The following LOC400499 variants were observed in gnomAD, a reference collection of about 807,000 sequenced individuals.
At chr16:11,379,406 T>C in the LOC400499 span, among the ~76,000 whole-genome samples, 99 of 152,306 alleles carry the variant, frequency 6.5e-4, 1 homozygote, top group Middle Eastern at 3.4e-3. Context: ...TTGACTGTTA[T>C]CATTATCTCT....
At chr16:11,407,169 G>A in the LOC400499 span, 44 of 398,926 alleles carry the variant, frequency 1.1e-4, no homozygotes, top group East Asian at 1.0e-3. Flanking sequence ...CCACCCCAGC[G>A]TGCTCCGGCC....
At chr16:11,481,672 A>T in the LOC400499 span, among the ~76,000 whole-genome samples, 1 of 149,852 alleles carries the variant, frequency 6.7e-6, no homozygotes, top group Non-Finnish European at 1.5e-5. Flanking sequence ...TTGCTCTGTC[A>T]CTCAGGCTGG....
chr16:11,383,699 C>G, the LOC400499 span: 5 of 1,232,508 alleles, frequency 4.1e-6, no homozygotes, highest in Non-Finnish European at 5.1e-6. Flanking sequence ...TGGATGTAGG[C>G]GGCCGCCAGG....
chr16:11,427,352 A>C, the LOC400499 span, among the ~76,000 whole-genome samples: 2 of 92,512 alleles, frequency 2.2e-5, no homozygotes, highest in Non-Finnish European at 3.6e-5. Context: ...CCATCTCACA[A>C]AAAAAAAAAA....
the LOC400499 span, among the ~76,000 whole-genome samples, chr16:11,424,539 C>A: frequency 6.6e-6 from 1 of 152,246 alleles, no homozygotes. Flanking sequence ...AAACTGTCCA[C>A]AGTTCACAGA....
At chr16:11,456,660 T>TC in the LOC400499 span, among the ~76,000 whole-genome samples, 1 of 151,978 alleles carries the variant, frequency 6.6e-6, no homozygotes, top group Non-Finnish European at 1.5e-5. Context: ...ACTCCTGGCC[T>TC]CGAGAAGTCC....
chr16:11,505,054 G>A, the LOC400499 span, among the ~76,000 whole-genome samples: 1 of 152,054 alleles, frequency 6.6e-6, no homozygotes, highest in Non-Finnish European at 1.5e-5. Context: ...GGGGCCGGTG[G>A]CCGCATGCTA....
At chr16:11,399,194 C>A in the LOC400499 span, 90 of 984,962 alleles carry the variant, frequency 9.1e-5, no homozygotes, top group Admixed American at 6.2e-5. Flanking sequence ...CGCCCCCTCC[C>A]GAGAAGCCCC....
chr16:11,407,970 G>GTTTTTTTTTTTTT, the LOC400499 span, among the ~76,000 whole-genome samples: 42 of 63,456 alleles, frequency 6.6e-4, 5 homozygotes, highest in African/African-American at 2.4e-3. Flanking sequence ...TTCCAGAGCT[G>GTTTTTTTTTTTTT]TTTTTTTTTT....
At chr16:11,403,258 G>C in the LOC400499 span, among the ~76,000 whole-genome samples, 1 of 152,192 alleles carries the variant, frequency 6.6e-6, no homozygotes, top group East Asian at 1.9e-4. Context: ...GCACTGGCTG[G>C]TTCTCAGGGC....
the LOC400499 span, among the ~76,000 whole-genome samples, chr16:11,415,768 C>G: frequency 6.6e-6 from 1 of 152,184 alleles, no homozygotes; most frequent in Admixed American, 6.5e-5. Flanking sequence ...TACCAGGCAT[C>G]CTGGGTCGGG....
chr16:11,419,470 A>C, the LOC400499 span, among the ~76,000 whole-genome samples: 1,067 of 147,526 alleles, frequency 7.2e-3, 7 homozygotes, highest in Non-Finnish European at 0.013. Flanking sequence ...TAAAGACTTA[A>C]ACGTTAGACC....
At chr16:11,526,069 A>C in the LOC400499 span, among the ~76,000 whole-genome samples, 1 of 152,212 alleles carries the variant, frequency 6.6e-6, no homozygotes, top group Non-Finnish European at 1.5e-5. Context: ...CAATTTACCA[A>C]GTACCTATAG....
chr16:11,402,835 C>G, the LOC400499 span, among the ~76,000 whole-genome samples: 1 of 152,260 alleles, frequency 6.6e-6, no homozygotes, highest in South Asian at 2.1e-4. Flanking sequence ...CATCCTGAAT[C>G]AGGAGCTGAT....
At chr16:11,468,094 A>C in the LOC400499 span, among the ~76,000 whole-genome samples, 3 of 150,338 alleles carry the variant, frequency 2.0e-5, no homozygotes, top group East Asian at 1.9e-4. Flanking sequence ...GGTGGGGAAA[A>C]AAAAAACAAA....
At chr16:11,375,283 C>G in the LOC400499 span, among the ~76,000 whole-genome samples, 1 of 140,966 alleles carries the variant, frequency 7.1e-6, no homozygotes, top group African/African-American at 2.8e-5. Context: ...TACAGCCATC[C>G]TAATGGGTCT....
chr16:11,525,143 G>T, the LOC400499 span, among the ~76,000 whole-genome samples: 4 of 151,978 alleles, frequency 2.6e-5, no homozygotes, highest in Non-Finnish European at 5.9e-5. Flanking sequence ...AATTAGCCGG[G>T]CGTGGTGGTG....
At chr16:11,498,497 T>A in the LOC400499 span, among the ~76,000 whole-genome samples, 1 of 18,620 alleles carries the variant, frequency 5.4e-5, no homozygotes, top group Admixed American at 8.7e-4. Context: ...ATAATAATGA[T>A]TAAATAATTA....
At chr16:11,417,947 T>G in the LOC400499 span, 4 of 397,582 alleles carry the variant, frequency 1.0e-5, no homozygotes. Context: ...GCCATCCACG[T>G]CGCTGTGATG....
Sources: allele counts gnomAD v4.1 joint callset (sites outside exome capture counted in the v4.1 genomes callset), GRCh38; gene constraint gnomAD v4.1.1; transcripts MANE v1.5.